DSCAM: variants seen among roughly 807,000 people sequenced by gnomAD.
DSCAM encodes the protein cell adhesion molecule DSCAM.
A neutral mutation model predicts 217.7 loss-of-function variants in DSCAM; 47 were observed. The observed-to-expected ratio is 0.22, with a 90% CI of 0.17 to 0.28. DSCAM has a LOEUF of 0.28. DSCAM is among the 10% of genes least tolerant of loss of function. The pLI is 1.00. For missense variants in DSCAM, 2,080 were observed against 2,618.3 expected, an observed-to-expected ratio of 0.79 and a Z score of 4.49; for synonymous variants, 1,056 against 1,015.3, an observed-to-expected ratio of 1.04 and a Z score of -0.76.
At chr21:40,376,500 T>C (rs1474353472) in intron 3 of DSCAM, among the ~76,000 whole-genome samples, 1 of 114,088 alleles carries the variant, frequency 8.8e-6, no homozygotes, top group Admixed American at 1.0e-4. Context: ...GATATCTATA[T>C]ATCTTATATC....
chr21:40,532,912 A>C (rs750016825), intron 3 of DSCAM, among the ~76,000 whole-genome samples: 2 of 135,586 alleles, frequency 1.5e-5, no homozygotes, highest in Non-Finnish European at 3.1e-5. Context: ...GTGTGTGTGC[A>C]CACGCACGCG....
Position 40,011,382 on chromosome 21 carries a change from C to T in DSCAM, c.*1652G>A, listed in dbSNP as rs1185792569. 6.6e-6 allele frequency: 1 copy of T among 152,126 alleles called. No individual in the cohort carries two copies. Among genetic ancestry groups the T allele is most frequent in the Non-Finnish European group, 1.5e-5 (1 of 68,026 alleles). The allele number at this position is 152,126 out of a possible 1,614,324, so 9.4% of individuals were successfully genotyped here. On this transcript the variant is annotated 3_prime_UTR_variant, in exon 33 of 33. Coordinates refer to ENST00000400454, the MANE Select transcript of DSCAM (RefSeq NM_001389.5). ...AAGGAGGGAGGGAGGGAAGGAAAGA[C>T]ATTTCTGAATATGTTCCCAAGATGG...
chr21:40,265,475 T>C (rs2073513279), intron 11 of DSCAM, among the ~76,000 whole-genome samples: 1 of 144,610 alleles, frequency 6.9e-6, no homozygotes, highest in Admixed American at 6.8e-5. Flanking sequence ...ACATCGTTTT[T>C]CACAAAATAA....
At chr21:40,072,637 C>CG (rs2089312642) in intron 27 of DSCAM, among the ~76,000 whole-genome samples, 1 of 152,034 alleles carries the variant, frequency 6.6e-6, no homozygotes, top group African/African-American at 2.4e-5. Context: ...TGTGAGCCAC[C>CG]GCACCCGGCC....
At chr21:40,128,085 T>C (rs1001695236) in intron 19 of DSCAM, among the ~76,000 whole-genome samples, 3 of 151,664 alleles carry the variant, frequency 2.0e-5, no homozygotes, top group African/African-American at 4.9e-5. Context: ...CATGTCTCTG[T>C]TGAGACTCTT....
chr21:40,846,214 C>T (rs2092144260), intron 1 of DSCAM, among the ~76,000 whole-genome samples: 1 of 152,184 alleles, frequency 6.6e-6, no homozygotes, highest in African/African-American at 2.4e-5. Flanking sequence ...GGGAGATGTT[C>T]CTCATTGACC....
At chr21:40,348,193 TTATTGCAATCGTACC>T in intron 5 of DSCAM, among the ~76,000 whole-genome samples, 1 of 5,744 alleles carries the variant, frequency 1.7e-4, no homozygotes, top group Non-Finnish European at 4.5e-4. Flanking sequence ...ATCAGCCACA[TTATTGCAATCGTACC>T]CCACACAGTT....
intron 3 of DSCAM, among the ~76,000 whole-genome samples, chr21:40,396,212 A>G (rs180896218): frequency 3.3e-5 from 5 of 152,360 alleles, no homozygotes; most frequent in African/African-American, 1.2e-4. Flanking sequence ...TAGTATATTT[A>G]GTTCACAAAA....
At position 40,671,900 on chromosome 21, in the gene DSCAM, C is replaced by CA. The variant is rs1246321811; in HGVS notation, c.508+20909dup. Among the ~76,000 whole-genome samples, 13 of 152,054 alleles carry CA rather than the reference C, an allele frequency of 8.5e-5. No individual in the cohort carries two copies. The South Asian group carries it at 1.7e-3, about 19-fold the overall frequency. ...CTGTATTAGTCATCTTAGGCTGCTG[C>CA]AAAAAATACCACAGGCAGGATGGCT... On this transcript the variant is annotated intron_variant, in intron 3 of 32. Coordinates refer to ENST00000400454, the MANE Select transcript of DSCAM (RefSeq NM_001389.5).
intron 6 of DSCAM, among the ~76,000 whole-genome samples, chr21:40,345,251 T>C (rs1487606632): frequency 6.6e-6 from 1 of 152,176 alleles, no homozygotes; most frequent in Non-Finnish European, 1.5e-5. Flanking sequence ...GTTTCTATCG[T>C]TTGCTTTGTC....
intron 14 of DSCAM, 130 bp downstream of exon 14, chr21:40,187,001 C>T: frequency 8.8e-7 from 1 of 1,139,574 alleles, no homozygotes. Context: ...AGCAAGGAGA[C>T]TGGGGGAAGT....
chr21:40,606,515 G>A (rs895842726), intron 3 of DSCAM, among the ~76,000 whole-genome samples: 2 of 152,206 alleles, frequency 1.3e-5, no homozygotes, highest in African/African-American at 4.8e-5. Context: ...TCCTCTAGCT[G>A]GCTAACATTG....
At chr21:40,713,311 G>A (rs1401387563) in intron 1 of DSCAM, among the ~76,000 whole-genome samples, 1 of 152,172 alleles carries the variant, frequency 6.6e-6, no homozygotes, top group Non-Finnish European at 1.5e-5. Flanking sequence ...AAGTTTATCA[G>A]TATAAACACA....
At chr21:40,208,461 A>G (rs1387725510) in intron 11 of DSCAM, among the ~76,000 whole-genome samples, 1 of 152,186 alleles carries the variant, frequency 6.6e-6, no homozygotes, top group African/African-American at 2.4e-5. Context: ...ACCGGGCCAC[A>G]ATTCCATTGT....
intron 5 of DSCAM, among the ~76,000 whole-genome samples, chr21:40,348,172 ACACAGTTCCT>A: frequency 6.6e-6 from 1 of 152,238 alleles, no homozygotes; most frequent in Non-Finnish European, 1.5e-5. Context: ...ATCATACTCC[ACACAGTTCCT>A]ATCAGCCACA....
intron 11 of DSCAM, among the ~76,000 whole-genome samples, chr21:40,238,732 C>T (rs1004063883): frequency 6.6e-6 from 1 of 152,172 alleles, no homozygotes; most frequent in Non-Finnish European, 1.5e-5. Context: ...CTTGACATGG[C>T]CTTAAATGAC....
At position 40,736,759 on chromosome 21, in the gene DSCAM, A is replaced by G. The variant is rs7283676; in HGVS notation, c.44-27988T>C. Among the ~76,000 whole-genome samples the G allele has an allele frequency of 6.7e-3, 1,013 of 152,300 alleles. 9 individuals carry two copies. Among genetic ancestry groups the G allele is most frequent in the African/African-American group, 0.023 (968 of 41,560 alleles). On this transcript the variant is annotated intron_variant, in intron 1 of 32. Coordinates refer to ENST00000400454, the MANE Select transcript of DSCAM (RefSeq NM_001389.5). ...ATGATGTCACAGATTGTCAAGCCCA[A>G]GCTTCTTTCTTCTATAACATATACT...
At chr21:40,722,620 A>C (rs2090913269) in intron 1 of DSCAM, among the ~76,000 whole-genome samples, 1 of 152,104 alleles carries the variant, frequency 6.6e-6, no homozygotes, top group Non-Finnish European at 1.5e-5. Flanking sequence ...AAATAAAGGA[A>C]CAGAGGACAG....
intron 3 of DSCAM, among the ~76,000 whole-genome samples, chr21:40,593,057 G>A (rs1314053147): frequency 6.6e-6 from 1 of 152,174 alleles, no homozygotes; most frequent in Non-Finnish European, 1.5e-5. Context: ...AGTACTAAAA[G>A]TATTTTCTGC....
Sources: gnomAD v4.1 joint callset for allele counts (sites outside exome capture counted in the v4.1 genomes callset) on GRCh38, gnomAD v4.1.1 for gene constraint, MANE v1.5 for transcripts, NCBI Gene and HGNC (gene_info 2026-07-23, HGNC 2026-07-21) for gene names.